The following MLLT3 variants were observed in gnomAD, a reference collection of about 807,000 sequenced individuals.
MLLT3 encodes MLLT3 super elongation complex subunit.
Under a neutral mutation model 53.2 loss-of-function variants are expected in MLLT3, and 4 were observed. The observed-to-expected ratio is 0.08, with a 90% CI of 0.04 to 0.17. The LOEUF is 0.17. MLLT3 is among the 10% of genes least tolerant of loss of function. MLLT3 has a pLI of 1.00. For synonymous variants in MLLT3, 283 were observed against 230.6 expected (o/e 1.23, Z -2.06); for missense variants, 569 against 684.0 (o/e 0.83, Z 1.87).
At chr9:20,616,201 T>A (rs1379449951) in intron 2 of MLLT3, among the ~76,000 whole-genome samples, 1 of 152,086 alleles carries the variant, frequency 6.6e-6, no homozygotes, top group Non-Finnish European at 1.5e-5. Flanking sequence ...ATTTCCATAA[T>A]GCAAATGAGA....
chr9:20,565,907 AAAATATATATATATTT>A (rs1330003484), intron 2 of MLLT3, among the ~76,000 whole-genome samples: 2 of 129,334 alleles, frequency 1.5e-5, no homozygotes, highest in Admixed American at 8.5e-5. Flanking sequence ...ACTCAAGGAA[AAAATATATATATATTT>A]ATATATATAT....
intron 2 of MLLT3, among the ~76,000 whole-genome samples, chr9:20,580,142 C>A (rs1202778166): frequency 6.6e-6 from 1 of 152,190 alleles, no homozygotes; most frequent in Non-Finnish European, 1.5e-5. Context: ...TTCACACAGG[C>A]ACAACCCCAG....
chr9:20,457,534 C>A (rs2118863339), intron 2 of MLLT3, among the ~76,000 whole-genome samples: 1 of 151,962 alleles, frequency 6.6e-6, no homozygotes. Context: ...CAGGCATGAC[C>A]CACCATGCCT....
At chr9:20,565,938 TTATATATATATA>T (rs374764024) in intron 2 of MLLT3, among the ~76,000 whole-genome samples, 254 of 12,552 alleles carry the variant, frequency 0.02, 5 homozygotes, top group South Asian at 0.14. Context: ...ATATATATAT[TTATATATATATA>T]TATTTATATA....
chr9:20,548,710 G>T (rs1186810999), intron 2 of MLLT3, among the ~76,000 whole-genome samples: 1 of 152,136 alleles, frequency 6.6e-6, no homozygotes, highest in Non-Finnish European at 1.5e-5. Flanking sequence ...AGGCAGCAAG[G>T]AGCTGCAAAA....
At chr9:20,604,920 ATAATCT>A (rs140791144) in intron 2 of MLLT3, among the ~76,000 whole-genome samples, 1,569 of 152,220 alleles carry the variant, frequency 0.01, 30 homozygotes, top group African/African-American at 0.037. Flanking sequence ...TTCTGTGTAG[ATAATCT>A]TAATAACTTT....
intron 5 of MLLT3, among the ~76,000 whole-genome samples, chr9:20,372,900 T>C (rs1305316226): frequency 6.6e-6 from 1 of 152,128 alleles, no homozygotes; most frequent in Non-Finnish European, 1.5e-5. Flanking sequence ...TCACACTTAA[T>C]AGATTACCAT....
chr9:20,562,294 G>A (rs912859825), intron 2 of MLLT3, among the ~76,000 whole-genome samples: 1 of 151,896 alleles, frequency 6.6e-6, no homozygotes, highest in Non-Finnish European at 1.5e-5. Context: ...TTAAAAATGC[G>A]GTTGAATTCT....
At chr9:20,385,292 G>A (rs1157089925) in intron 5 of MLLT3, among the ~76,000 whole-genome samples, 2 of 152,022 alleles carry the variant, frequency 1.3e-5, no homozygotes, top group Non-Finnish European at 2.9e-5. Context: ...TTATTTGAAA[G>A]AGAAGGGGCT....
intron 2 of MLLT3, among the ~76,000 whole-genome samples, chr9:20,589,603 AT>A (rs140710755): frequency 6.7e-6 from 1 of 149,544 alleles, no homozygotes. Flanking sequence ...AAAAAAGAAA[AT>A]TTTTTTATAA....
Position 20,590,603 on chromosome 9 carries a change from C to T in MLLT3, c.193+30051G>A, listed in dbSNP as rs553704174. On this transcript the variant is annotated intron_variant, in intron 2 of 10. Coordinates refer to ENST00000380338, the MANE Select transcript of MLLT3 (RefSeq NM_004529.4). ...TAAGACATGCCTGCTTCCCCTTCTG[C>T]CATGATTGTAAGTTTCCTGAGGCCT... is the stretch of plus-strand genomic sequence containing the variant. Among the ~76,000 whole-genome samples, 5 of 152,328 alleles carry T rather than the reference C, an allele frequency of 3.3e-5. No homozygotes were observed. In the East Asian group the frequency reaches 7.7e-4, roughly 23 times the overall value.
intron 2 of MLLT3, among the ~76,000 whole-genome samples, chr9:20,487,612 C>T (rs914762770): frequency 2.0e-5 from 3 of 152,144 alleles, no homozygotes; most frequent in African/African-American, 7.2e-5. Context: ...AAGGGTCCAT[C>T]TGTACCAATA....
chr9:20,397,808 T>C (rs142737408), intron 5 of MLLT3, among the ~76,000 whole-genome samples: 394 of 152,240 alleles, frequency 2.6e-3, no homozygotes, highest in African/African-American at 8.8e-3. Context: ...TATATTTGGG[T>C]ATAATTTTTG....
chr9:20,440,400 G>A (rs1223135738), intron 4 of MLLT3, among the ~76,000 whole-genome samples: 3 of 152,142 alleles, frequency 2.0e-5, no homozygotes, highest in Non-Finnish European at 4.4e-5. Context: ...GTTACCTTCA[G>A]ATCCTGATTA....
At chr9:20,374,635 G>A (rs1313981651) in intron 5 of MLLT3, among the ~76,000 whole-genome samples, 4 of 152,062 alleles carry the variant, frequency 2.6e-5, no homozygotes, top group Non-Finnish European at 4.4e-5. Flanking sequence ...ATTATCATTT[G>A]GTTTTACATT....
At position 20,447,157 on chromosome 9, in the gene MLLT3, G is replaced by GT. The variant is rs78823817; in HGVS notation, c.420+965dup. Among the ~76,000 whole-genome samples, 288 of 152,154 alleles carry GT rather than the reference G, an allele frequency of 1.9e-3. 9 individuals carry two copies. The East Asian group carries it at 0.045, about 24-fold the overall frequency. ...TTAGGTTCTCAAAGTGGTTGTTCATGTATCCAATAAAGAAAACTGTGCCAC... is the reference window on the plus strand; with the variant it reads ...TTAGGTTCTCAAAGTGGTTGTTCATGTTATCCAATAAAGAAAACTGTGCCAC... On this transcript the variant is annotated intron_variant, in intron 4 of 10. Transcript: ENST00000380338.
intron 2 of MLLT3, among the ~76,000 whole-genome samples, chr9:20,483,856 C>G (rs1210689532): frequency 6.9e-6 from 1 of 144,220 alleles, no homozygotes; most frequent in African/African-American, 2.6e-5. Context: ...TACAAGCACC[C>G]AGCACCACGC....
chr9:20,599,285 CAGAGTA>C (rs1421688333), intron 2 of MLLT3, among the ~76,000 whole-genome samples: 1 of 138,402 alleles, frequency 7.2e-6, no homozygotes, highest in African/African-American at 2.8e-5. Context: ...GCCTGGGCGA[CAGAGTA>C]AGACTCTGTC....
At chr9:20,438,141 C>G (rs1823451238) in intron 4 of MLLT3, among the ~76,000 whole-genome samples, 1 of 152,156 alleles carries the variant, frequency 6.6e-6, no homozygotes, top group African/African-American at 2.4e-5. Flanking sequence ...TATTCAAAAC[C>G]AGAACACTCT....
Sources: allele counts gnomAD v4.1 joint callset (sites outside exome capture counted in the v4.1 genomes callset), GRCh38; gene constraint gnomAD v4.1.1; transcripts MANE v1.5; gene names NCBI Gene and HGNC (gene_info 2026-07-23, HGNC 2026-07-21).